Variants in SCN10A observed in about 807,000 individuals in gnomAD.
SCN10A encodes the protein sodium channel protein type 10 subunit alpha.
A neutral mutation model predicts 170.7 loss-of-function variants in SCN10A; 162 were observed. The ratio of observed to expected loss-of-function variants is 0.95; its 90% CI spans 0.84 to 1.08. The LOEUF (loss-of-function observed/expected upper bound fraction) is 1.08, where lower values mean the gene tolerates loss of function less well. Ranked by LOEUF, SCN10A falls within the 50% of genes least tolerant of loss-of-function variation. SCN10A has a pLI of 0.00. For missense variants in SCN10A, 2,527 were observed against 2,436.9 expected (o/e 1.04, Z -0.78); for synonymous variants, 985 against 904.6 (o/e 1.09, Z -1.59).
intron 4 of SCN10A, among the ~76,000 whole-genome samples, chr3:38,788,629 G>T (rs1167075366): frequency 2.0e-5 from 3 of 149,524 alleles, no homozygotes; most frequent in Middle Eastern, 3.4e-3. Context: ...TTGGGGGGGG[G>T]TGGGGGCGAG....
intron 7 of SCN10A, 110 bp downstream of exon 7, chr3:38,761,082 G>A (rs1191313702): frequency 1.1e-5 from 10 of 875,302 alleles, no homozygotes; most frequent in Non-Finnish European, 1.6e-5. Context: ...CAGGAAAGGG[G>A]AGTCAAAATA....
At chr3:38,789,603 C>T (rs573121367) in intron 3 of SCN10A, among the ~76,000 whole-genome samples, 1 of 152,136 alleles carries the variant, frequency 6.6e-6, no homozygotes, top group South Asian at 2.1e-4. Flanking sequence ...ATCAGTTCCA[C>T]CGAGGAAATG....
At chr3:38,781,458 T>G (rs947756686) in intron 4 of SCN10A, among the ~76,000 whole-genome samples, 2 of 152,146 alleles carry the variant, frequency 1.3e-5, no homozygotes, top group Non-Finnish European at 2.9e-5. Context: ...CGACTGCATG[T>G]CACACAACCA....
chr3:38,738,988 G>C (rs2063599854), intron 15 of SCN10A, among the ~76,000 whole-genome samples: 1 of 152,156 alleles, frequency 6.6e-6, no homozygotes, highest in Non-Finnish European at 1.5e-5. Flanking sequence ...GAAGGAGCTG[G>C]GGCTCTGGAG....
At chr3:38,793,088 G>GTA (rs1373796842) in intron 2 of SCN10A, among the ~76,000 whole-genome samples, 2 of 151,662 alleles carry the variant, frequency 1.3e-5, no homozygotes, top group Non-Finnish European at 2.9e-5. Context: ...ATATGTGTGT[G>GTA]TATATATATC....
At chr3:38,749,908 A>T (rs1193601986) in intron 13 of SCN10A, among the ~76,000 whole-genome samples, 165 bp downstream of exon 13, 1 of 152,252 alleles carries the variant, frequency 6.6e-6, no homozygotes, top group African/African-American at 2.4e-5. Context: ...CTAAAAAACC[A>T]CATTGATAAA....
At chr3:38,742,635 A>G in intron 13 of SCN10A, 106 bp from the exon 14 acceptor site, 1 of 830,028 alleles carries the variant, frequency 1.2e-6, no homozygotes, top group East Asian at 2.4e-5. Context: ...TACCACCTCC[A>G]ACATTTTGAC....
At chr3:38,775,792 G>A (rs1437507490) in intron 4 of SCN10A, among the ~76,000 whole-genome samples, 1 of 152,054 alleles carries the variant, frequency 6.6e-6, no homozygotes, top group Non-Finnish European at 1.5e-5. Context: ...TCTAATTAAG[G>A]AATTATACCA....
Position 38,710,903 on chromosome 3 carries a change from G to A in SCN10A, c.4090-6C>T, listed in dbSNP as rs774783309. 8 of 1,613,202 alleles carry A rather than the reference G, an allele frequency of 5.0e-6. No individual in the cohort carries two copies. The highest frequency in any genetic ancestry group is 3.4e-6 in the Non-Finnish European group (4 of 1,179,538). On this transcript the variant is annotated splice_region_variant and splice_polypyrimidine_tract_variant and intron_variant, in intron 23 of 27. Transcript: ENST00000449082. ...ATCCAGCCTTTAAAGGTTGCCTGGA[G>A]ACAAGGAGCAGAGGCCACTCAGTGT...
intron 4 of SCN10A, among the ~76,000 whole-genome samples, chr3:38,785,262 A>T (rs1005121382): frequency 1.3e-5 from 2 of 152,112 alleles, no homozygotes; most frequent in Non-Finnish European, 2.9e-5. Context: ...CAAAACAGCG[A>T]GGTACTGGTA....
At chr3:38,713,761 G>A (rs929455737) in intron 22 of SCN10A, among the ~76,000 whole-genome samples, 197 bp downstream of exon 22, 23 of 152,016 alleles carry the variant, frequency 1.5e-4, no homozygotes, top group Non-Finnish European at 2.4e-4. Flanking sequence ...GCACAATCTC[G>A]GCTCACTACC....
intron 1 of SCN10A, among the ~76,000 whole-genome samples, chr3:38,800,412 T>C (rs1311339562): frequency 6.6e-6 from 1 of 152,210 alleles, no homozygotes; most frequent in Non-Finnish European, 1.5e-5. Flanking sequence ...TAACTGAAGC[T>C]TCCAAAGGTG....
chr3:38,752,109 G>T, intron 12 of SCN10A, 110 bp downstream of exon 12: 3 of 971,262 alleles, frequency 3.1e-6, no homozygotes, highest in Non-Finnish European at 4.4e-6. Flanking sequence ...GGGAGGCATT[G>T]GACAGGATGA....
At chr3:38,811,055 T>C (rs2064438403) in intron 1 of SCN10A, among the ~76,000 whole-genome samples, 1 of 152,188 alleles carries the variant, frequency 6.6e-6, no homozygotes, top group South Asian at 2.1e-4. Context: ...AGCCATACTT[T>C]CCATGCTTAA....
At chr3:38,721,177 C>T (rs1306896173) in intron 20 of SCN10A, among the ~76,000 whole-genome samples, 1 of 152,228 alleles carries the variant, frequency 6.6e-6, no homozygotes, top group African/African-American at 2.4e-5. Flanking sequence ...GTCACCCTTC[C>T]TGGACAATCT....
At chr3:38,806,125 AG>A (rs1218144199) in intron 1 of SCN10A, among the ~76,000 whole-genome samples, 5 of 152,168 alleles carry the variant, frequency 3.3e-5, no homozygotes, top group African/African-American at 1.2e-4. Context: ...TGAAATGCTG[AG>A]AATAGGTGCA....
intron 14 of SCN10A, among the ~76,000 whole-genome samples, chr3:38,739,943 G>A (rs2063613483): frequency 6.6e-6 from 1 of 152,194 alleles, no homozygotes; most frequent in Admixed American, 6.5e-5. Flanking sequence ...AGTGGAATAA[G>A]CGGATAGTCT....
At position 38,707,548 on chromosome 3, in the gene SCN10A, C is replaced by T. The variant is rs78376096; in HGVS notation, c.4282-165G>A. 0.042 allele frequency among the ~76,000 whole-genome samples: 6,374 copies of T among 152,232 alleles called. 242 individuals carry two copies. The highest frequency in any genetic ancestry group is 0.1 in the African/African-American group (4,236 of 41,514). On this transcript the variant is annotated intron_variant, in intron 25 of 27. Transcript: ENST00000449082. The stretch of plus-strand genomic sequence containing the variant: ...TGTCTTGCCACATCCAGTGTCGGAA[C>T]GGTGGGACTGAGTTCCATTGCTGAC...
chr3:38,726,572 C>T (rs774547298), intron 17 of SCN10A, 34 bp downstream of exon 17: 5 of 1,513,852 alleles, frequency 3.3e-6, no homozygotes, highest in Non-Finnish European at 4.5e-6. Flanking sequence ...CCCCTCCCCA[C>T]TGCCTGTGGC....
Sources: gnomAD v4.1 joint callset for allele counts (sites outside exome capture counted in the v4.1 genomes callset) on GRCh38, gnomAD v4.1.1 for gene constraint, MANE v1.5 for transcripts, NCBI Gene and HGNC (gene_info 2026-07-23, HGNC 2026-07-21) for gene names.